The following KCND3 variants were observed in gnomAD, a reference collection of about 807,000 sequenced individuals.
KCND3 encodes the protein potassium voltage-gated channel subfamily D member 3.
A neutral mutation model predicts 51.1 loss-of-function variants in KCND3; 9 were observed. That is an observed-to-expected ratio of 0.18 (90% CI 0.11 to 0.31). KCND3 has a LOEUF of 0.31. Among genes scored for constraint, KCND3 ranks in the 10% least tolerant of loss-of-function variants. KCND3 has a pLI of 1.00. For synonymous variants in KCND3, 349 were observed against 368.0 expected, an observed-to-expected ratio of 0.95 and a Z score of 0.59; for missense variants, 526 against 903.8, an observed-to-expected ratio of 0.58 and a Z score of 5.36.
chr1:111,793,259 T>C (rs370797104), intron 2 of KCND3, among the ~76,000 whole-genome samples: 2 of 150,158 alleles, frequency 1.3e-5, no homozygotes, highest in South Asian at 2.1e-4. Flanking sequence ...CACTGCAACC[T>C]CTGCCTCCTG....
chr1:111,883,468 C>T (rs1010865904), intron 2 of KCND3, among the ~76,000 whole-genome samples: 1 of 152,140 alleles, frequency 6.6e-6, no homozygotes, highest in African/African-American at 2.4e-5. Context: ...GCTCAAATGC[C>T]GCCTATTTAA....
intron 2 of KCND3, among the ~76,000 whole-genome samples, chr1:111,955,516 G>C (rs1457878059): frequency 6.6e-6 from 1 of 152,166 alleles, no homozygotes; most frequent in Non-Finnish European, 1.5e-5. Flanking sequence ...CTGCTGGATG[G>C]GGGGCCACAT....
chr1:111,882,521 G>T (rs1031119661), intron 2 of KCND3, among the ~76,000 whole-genome samples: 4 of 152,186 alleles, frequency 2.6e-5, no homozygotes, highest in African/African-American at 9.7e-5. Context: ...CTGCTTTGGG[G>T]GTGTGTGTGA....
At chr1:111,866,263 C>CTTTTTTTTTTTTTTTTT (rs11399761) in intron 2 of KCND3, among the ~76,000 whole-genome samples, 3 of 54,222 alleles carry the variant, frequency 5.5e-5, no homozygotes, top group East Asian at 3.1e-4. Flanking sequence ...CTTTTCTTTT[C>CTTTTTTTTTTTTTTTTT]TTTTTTTTTT....
intron 2 of KCND3, among the ~76,000 whole-genome samples, chr1:111,866,993 A>G (rs1475220282): frequency 6.6e-6 from 1 of 152,178 alleles, no homozygotes; most frequent in Non-Finnish European, 1.5e-5. Flanking sequence ...GCTAATAAAA[A>G]TATTTTTTAT....
At chr1:111,845,754 T>C (rs1373065015) in intron 2 of KCND3, among the ~76,000 whole-genome samples, 1 of 152,190 alleles carries the variant, frequency 6.6e-6, no homozygotes, top group East Asian at 1.9e-4. Flanking sequence ...TTAAATAACT[T>C]ACTCAAGGGC....
intron 2 of KCND3, among the ~76,000 whole-genome samples, chr1:111,911,670 C>T (rs1670954031): frequency 6.6e-6 from 1 of 152,202 alleles, no homozygotes. Flanking sequence ...TCTCTCTGTG[C>T]CCCAGTTTCC....
chr1:111,980,203 A>AGT (rs58988523), intron 2 of KCND3, among the ~76,000 whole-genome samples: 6,740 of 142,988 alleles, frequency 0.047, 172 homozygotes, highest in South Asian at 0.056. Context: ...CCATTTGAAG[A>AGT]GTGTGTGTGT....
At chr1:111,909,493 A>T (rs537657493) in intron 2 of KCND3, 1 of 152,348 alleles carries the variant, frequency 6.6e-6, no homozygotes, top group East Asian at 1.9e-4. Context: ...AGAACCAAAC[A>T]GCAAACGGTA....
At chr1:111,956,736 C>G (rs1673363097) in intron 2 of KCND3, among the ~76,000 whole-genome samples, 1 of 152,152 alleles carries the variant, frequency 6.6e-6, no homozygotes, top group Non-Finnish European at 1.5e-5. Flanking sequence ...CAGGCGCAGA[C>G]CTCAAGAAGC....
intron 2 of KCND3, among the ~76,000 whole-genome samples, chr1:111,957,854 T>G (rs969917577): frequency 1.3e-5 from 2 of 152,218 alleles, no homozygotes; most frequent in Non-Finnish European, 2.9e-5. Flanking sequence ...TGAGAATATA[T>G]GACCCACAAA....
At chr1:111,950,700 C>A (rs1673018889) in intron 2 of KCND3, among the ~76,000 whole-genome samples, 2 of 152,136 alleles carry the variant, frequency 1.3e-5, no homozygotes, top group Admixed American at 1.3e-4. Flanking sequence ...AGGGCCTGGT[C>A]AGGGCACCGT....
chr1:111,897,465 G>A (rs1405959934), intron 2 of KCND3, among the ~76,000 whole-genome samples: 2 of 152,224 alleles, frequency 1.3e-5, no homozygotes, highest in South Asian at 2.1e-4. Context: ...TTGCCTGTGT[G>A]GGGCAGTCAG....
chr1:111,927,899 T>A (rs1671784240), intron 2 of KCND3, among the ~76,000 whole-genome samples: 2 of 152,172 alleles, frequency 1.3e-5, no homozygotes, highest in South Asian at 4.1e-4. Context: ...CCGGCCTGTC[T>A]GCTCCCCATG....
At chr1:111,872,840 A>T (rs1443833879) in intron 2 of KCND3, among the ~76,000 whole-genome samples, 1 of 152,212 alleles carries the variant, frequency 6.6e-6, no homozygotes, top group Non-Finnish European at 1.5e-5. Flanking sequence ...AGTTTTACAA[A>T]GGCAGATGTC....
At chr1:111,917,789 C>T (rs1671293046) in intron 2 of KCND3, among the ~76,000 whole-genome samples, 2 of 152,154 alleles carry the variant, frequency 1.3e-5, no homozygotes. Context: ...CCTGAGGTCT[C>T]CATCCCAGAC....
chr1:111,874,784 C>T (rs1279891000), intron 2 of KCND3, among the ~76,000 whole-genome samples: 1 of 152,168 alleles, frequency 6.6e-6, no homozygotes, highest in Admixed American at 6.5e-5. Context: ...CAGCTCTCAG[C>T]CTGGCACCCA....
chr1:111,912,284 C>T (rs1251171168), intron 2 of KCND3, among the ~76,000 whole-genome samples: 2 of 152,162 alleles, frequency 1.3e-5, no homozygotes, highest in East Asian at 3.9e-4. Flanking sequence ...AAATTCCTAT[C>T]ACCTAGTGAC....
At chr1:111,832,691 C>A (rs983356150) in intron 2 of KCND3, among the ~76,000 whole-genome samples, 3 of 152,128 alleles carry the variant, frequency 2.0e-5, no homozygotes, top group Non-Finnish European at 4.4e-5. Flanking sequence ...CCGCTCCCCA[C>A]CCCGCCCAGA....
Sources: gnomAD v4.1 joint callset for allele counts (sites outside exome capture counted in the v4.1 genomes callset) on GRCh38, gnomAD v4.1.1 for gene constraint, MANE v1.5 for transcripts, NCBI Gene and HGNC (gene_info 2026-07-23, HGNC 2026-07-21) for gene names.